GAPVD1: variants seen among roughly 807,000 people sequenced by gnomAD.
GAPVD1 encodes the protein GTPase-activating protein and VPS9 domain-containing protein 1.
A neutral mutation model predicts 155.5 loss-of-function variants in GAPVD1; 35 were observed. That is an observed-to-expected ratio of 0.23 (90% CI 0.17 to 0.30). The LOEUF is 0.30. Ranked by LOEUF, GAPVD1 falls within the 10% of genes least tolerant of loss-of-function variation. GAPVD1 has a pLI of 1.00. For missense variants in GAPVD1, 1,429 were observed against 1,775.7 expected (o/e 0.80, Z 3.51); for synonymous variants, 636 against 619.7 (o/e 1.03, Z -0.39).
chr9:125,314,496 A>G (rs1843110558), intron 9 of GAPVD1, among the ~76,000 whole-genome samples: 1 of 152,024 alleles, frequency 6.6e-6, no homozygotes, highest in Non-Finnish European at 1.5e-5. Flanking sequence ...TCTTTACTAA[A>G]AATAAAAATT....
intron 11 of GAPVD1, among the ~76,000 whole-genome samples, chr9:125,325,202 G>A (rs1394455207): frequency 2.0e-5 from 3 of 151,362 alleles, no homozygotes; most frequent in Non-Finnish European, 4.4e-5. Flanking sequence ...TCTAGCCTGG[G>A]CGACAGAGTG....
intron 6 of GAPVD1, 86 bp downstream of exon 6, chr9:125,305,235 T>C: frequency 5.9e-6 from 5 of 841,090 alleles, no homozygotes; most frequent in Non-Finnish European, 5.9e-6. Context: ...TTAGGTGATA[T>C]CTAAATTAAA....
At chr9:125,315,038 C>A (rs559771922) in intron 9 of GAPVD1, among the ~76,000 whole-genome samples, 1 of 152,174 alleles carries the variant, frequency 6.6e-6, no homozygotes, top group East Asian at 1.9e-4. Flanking sequence ...CCGCCCACCT[C>A]GGCCTCCCAA....
At chr9:125,330,293 A>T in intron 13 of GAPVD1, 75 bp downstream of exon 13, 8 of 866,278 alleles carry the variant, frequency 9.2e-6, no homozygotes, top group Non-Finnish European at 1.4e-5. Context: ...CCAACTCTGT[A>T]TTATGTATAT....
chr9:125,354,989 T>C (rs1458460034), intron 24 of GAPVD1, 148 bp downstream of exon 24: 3 of 535,186 alleles, frequency 5.6e-6, no homozygotes, highest in Non-Finnish European at 9.8e-6. Flanking sequence ...AATTAAACTT[T>C]GATGTCAAAC....
At chr9:125,324,575 G>A (rs1844858838) in intron 11 of GAPVD1, among the ~76,000 whole-genome samples, 1 of 152,096 alleles carries the variant, frequency 6.6e-6, no homozygotes, top group Admixed American at 6.6e-5. Context: ...GGCAAAAAGA[G>A]TAAAACTCCG....
intron 13 of GAPVD1, among the ~76,000 whole-genome samples, chr9:125,331,642 ACT>A (rs1846098585): frequency 6.6e-6 from 1 of 151,964 alleles, no homozygotes; most frequent in African/African-American, 2.4e-5. Context: ...GCTATTCCAT[ACT>A]CTCTTGTCCA....
rs761044316 is a variant in GAPVD1 at position 125,330,199 on chromosome 9, G to A, written c.2154G>A (p.Glu718=). The A allele has an allele frequency of 2.5e-6, 4 of 1,606,792 alleles. No individual in the cohort carries two copies. The highest frequency in any genetic ancestry group is 3.4e-6 in the Non-Finnish European group (4 of 1,176,962). ...SETTSEAWSV[E]VLPSDSEAPD... is the part of the protein sequence containing the mutation. ...CAACAAGTGAAGCTTGGAGTGTAGA[G>A]GTATTGCCAAGTGACTCAGGTTAGT... Residue 718 remains glutamate (E), a synonymous_variant, in exon 13 of 28, where the codon GAG becomes GAA. Transcript: ENST00000297933.
chr9:125,297,870 C>CGAGT (rs2132811642), intron 3 of GAPVD1, among the ~76,000 whole-genome samples: 1 of 152,122 alleles, frequency 6.6e-6, no homozygotes, highest in East Asian at 1.9e-4. Context: ...CTCAGCCTCC[C>CGAGT]GAGTAGCTAG....
chr9:125,279,796 C>T (rs1254476619), intron 2 of GAPVD1, among the ~76,000 whole-genome samples: 4 of 147,756 alleles, frequency 2.7e-5, no homozygotes, highest in Non-Finnish European at 4.5e-5. Flanking sequence ...AGTCTTGGTG[C>T]GATGTTCAGG....
At chr9:125,348,573 T>C (rs3104550) in intron 20 of GAPVD1, among the ~76,000 whole-genome samples, 91,080 of 151,904 alleles carry the variant, frequency 0.6, 29,376 homozygotes, top group African/African-American at 0.86. Flanking sequence ...AGTACAGTGG[T>C]GCAATCTTGG....
At chr9:125,329,041 C>T (rs570530535) in intron 12 of GAPVD1, among the ~76,000 whole-genome samples, 2 of 151,828 alleles carry the variant, frequency 1.3e-5, no homozygotes, top group South Asian at 4.2e-4. Flanking sequence ...GAGAATCAGG[C>T]AGGGAGGTTG....
intron 2 of GAPVD1, among the ~76,000 whole-genome samples, chr9:125,273,016 G>T (rs1835167466): frequency 6.6e-6 from 1 of 152,132 alleles, no homozygotes; most frequent in Admixed American, 6.6e-5. Context: ...CTCAAAGCAT[G>T]GGGGTTGTGA....
chr9:125,316,100 A>G (rs1053093841), intron 9 of GAPVD1, among the ~76,000 whole-genome samples: 3 of 152,242 alleles, frequency 2.0e-5, no homozygotes, highest in African/African-American at 4.8e-5. Context: ...TAGAGAGATC[A>G]TTAAATAGTC....
At chr9:125,287,354 A>G (rs1837870596) in intron 2 of GAPVD1, among the ~76,000 whole-genome samples, 3 of 152,150 alleles carry the variant, frequency 2.0e-5, no homozygotes. Context: ...CTTCTACAAC[A>G]TGGCTAAACT....
chr9:125,308,117 ACTTT>A (rs1250514133), intron 8 of GAPVD1: 2 of 560,190 alleles, frequency 3.6e-6, no homozygotes, highest in Non-Finnish European at 6.3e-6. Context: ...TCCACAGTAT[ACTTT>A]CTTTAAATTT....
chr9:125,295,135 C>G (rs1839640450), intron 2 of GAPVD1, among the ~76,000 whole-genome samples: 1 of 151,730 alleles, frequency 6.6e-6, no homozygotes, highest in African/African-American at 2.4e-5. Flanking sequence ...AAAAGAATAG[C>G]AGAGTACTTG....
Position 125,311,775 on chromosome 9 carries a change from A to C in GAPVD1, c.1442-677A>C, listed in dbSNP as rs569687619. On this transcript the variant is annotated intron_variant, in intron 8 of 27. Coordinates refer to ENST00000297933, the MANE Select transcript of GAPVD1 (RefSeq NM_001282680.3). Reference sequence around the variant, plus strand: ...CACTCTGATGCCCAGGCTGGAGTGCAGTGGTGCAAACTTGGCCCACTTCAG... The same window carrying C: ...CACTCTGATGCCCAGGCTGGAGTGCCGTGGTGCAAACTTGGCCCACTTCAG... Among the ~76,000 whole-genome samples, 10 of 149,406 alleles carry C rather than the reference A, an allele frequency of 6.7e-5. No homozygotes were observed. The South Asian group carries it at 1.9e-3, about 29-fold the overall frequency.
intron 2 of GAPVD1, among the ~76,000 whole-genome samples, chr9:125,294,511 T>C (rs567687029): frequency 6.6e-6 from 1 of 151,448 alleles, no homozygotes; most frequent in East Asian, 2.0e-4. Flanking sequence ...CATGCCCGGC[T>C]AATTTTTGAA....
Sources: gnomAD v4.1 joint callset for allele counts (sites outside exome capture counted in the v4.1 genomes callset) on GRCh38, gnomAD v4.1.1 for gene constraint, MANE v1.5 for transcripts, NCBI Gene and HGNC (gene_info 2026-07-23, HGNC 2026-07-21) for gene names.